SPATS2L: variants seen among roughly 807,000 people sequenced by gnomAD.
SPATS2L encodes SPATS2-like protein.
In SPATS2L, 30 loss-of-function variants were observed where a neutral mutation model predicts 59.6. That is an observed-to-expected ratio of 0.50 (90% CI 0.38 to 0.68). SPATS2L has a LOEUF of 0.68. Among genes scored for constraint, SPATS2L ranks in the 30% least tolerant of loss-of-function variants. The pLI is 0.00. For synonymous variants in SPATS2L, 252 were observed against 263.5 expected (o/e 0.96, Z 0.42); for missense variants, 615 against 700.0 (o/e 0.88, Z 1.37).
intron 8 of SPATS2L, among the ~76,000 whole-genome samples, chr2:200,445,276 G>A (rs2084959245): frequency 6.6e-6 from 1 of 152,182 alleles, no homozygotes; most frequent in Non-Finnish European, 1.5e-5. Flanking sequence ...TCGTGCCACT[G>A]CACTCCAGCT....
chr2:200,377,570 G>A (rs3754797), intron 2 of SPATS2L, among the ~76,000 whole-genome samples: 52,616 of 152,000 alleles, frequency 0.35, 9,914 homozygotes, highest in East Asian at 0.55. Context: ...ACTAATGTGT[G>A]TGTAGATGGA....
intron 8 of SPATS2L, among the ~76,000 whole-genome samples, chr2:200,442,834 T>C (rs1351084465): frequency 6.6e-6 from 1 of 152,070 alleles, no homozygotes; most frequent in African/African-American, 2.4e-5. Flanking sequence ...CCCAAGGAAA[T>C]AGTATATTTT....
intron 2 of SPATS2L, among the ~76,000 whole-genome samples, chr2:200,350,926 T>C (rs983162582): frequency 6.6e-6 from 1 of 152,136 alleles, no homozygotes; most frequent in African/African-American, 2.4e-5. Context: ...CTTTGGAATG[T>C]TGAGGCTCTT....
intron 3 of SPATS2L, among the ~76,000 whole-genome samples, chr2:200,411,477 T>G (rs1355592536): frequency 9.2e-6 from 1 of 109,118 alleles, no homozygotes. Context: ...CATGCAGTAC[T>G]CTAGTATTCT....
intron 8 of SPATS2L, among the ~76,000 whole-genome samples, chr2:200,441,976 T>G (rs911725543): frequency 6.6e-6 from 1 of 152,182 alleles, no homozygotes; most frequent in African/African-American, 2.4e-5. Flanking sequence ...CCATCTGCTA[T>G]GTATCATATA....
intron 1 of SPATS2L, among the ~76,000 whole-genome samples, chr2:200,321,571 A>G (rs965888160): frequency 2.0e-5 from 3 of 152,196 alleles, no homozygotes; most frequent in Non-Finnish European, 4.4e-5. Context: ...ATTTAGAATG[A>G]CTGCATAAAT....
intron 3 of SPATS2L, among the ~76,000 whole-genome samples, chr2:200,402,772 A>G (rs2082568522): frequency 6.6e-6 from 1 of 152,226 alleles, no homozygotes; most frequent in Non-Finnish European, 1.5e-5. Context: ...TTCAACTTTG[A>G]GGGAAGTTTT....
At chr2:200,390,550 G>T (rs547183695) in intron 3 of SPATS2L, 2 of 152,684 alleles carry the variant, frequency 1.3e-5, no homozygotes, top group African/African-American at 4.8e-5. Flanking sequence ...AAAGATCTGA[G>T]GACAGAGAAT....
intron 2 of SPATS2L, among the ~76,000 whole-genome samples, chr2:200,350,574 T>C (rs1021886616): frequency 2.0e-5 from 3 of 152,226 alleles, no homozygotes. Context: ...TCACCCAGGC[T>C]GGAGTGCAGT....
In SPATS2L at chr2:200,469,782, A is replaced by G. The variant is rs145416140; in HGVS notation, c.958-132A>G. The G allele has an allele frequency of 1.7e-4, 111 of 660,788 alleles. 3 individuals are homozygous for G. Among genetic ancestry groups the G allele is most frequent in the Middle Eastern group, 1.7e-3 (6 of 3,614 alleles). 40.9% of individuals were successfully genotyped at this position (660,788 alleles called of 1,614,324 possible). On this transcript the variant is annotated intron_variant, in intron 10 of 12. Coordinates refer to ENST00000409140, the MANE Select transcript of SPATS2L (RefSeq NM_001100423.2). ...AAGACTGAGCGTGGAGCCTCCCAGC[A>G]ACAGGGCTGGAAAGATCCCCACCAG... is the stretch of plus-strand genomic sequence containing the variant.
At chr2:200,382,826 G>A (rs1346921944) in intron 2 of SPATS2L, among the ~76,000 whole-genome samples, 1 of 152,170 alleles carries the variant, frequency 6.6e-6, no homozygotes, top group Non-Finnish European at 1.5e-5. Flanking sequence ...TACGTTATAA[G>A]TTCTCCAGAA....
At chr2:200,433,536 T>C (rs954784524) in intron 6 of SPATS2L, among the ~76,000 whole-genome samples, 10 of 152,048 alleles carry the variant, frequency 6.6e-5, no homozygotes, top group African/African-American at 2.4e-4. Context: ...TTAATCAATC[T>C]TCTAAACAAT....
At chr2:200,376,003 A>T (rs2081586795) in intron 2 of SPATS2L, among the ~76,000 whole-genome samples, 1 of 152,232 alleles carries the variant, frequency 6.6e-6, no homozygotes, top group African/African-American at 2.4e-5. Context: ...AGAAAAAATT[A>T]TTAAAAATTC....
intron 8 of SPATS2L, among the ~76,000 whole-genome samples, chr2:200,456,465 G>A (rs377444610): frequency 6.6e-6 from 1 of 152,166 alleles, no homozygotes; most frequent in Non-Finnish European, 1.5e-5. Flanking sequence ...AGCCCAGAAG[G>A]TCTGAACTAA....
chr2:200,461,929 T>C (rs1296066664), intron 9 of SPATS2L, among the ~76,000 whole-genome samples: 1 of 152,238 alleles, frequency 6.6e-6, no homozygotes, highest in African/African-American at 2.4e-5. Context: ...AATCCTGAAA[T>C]ACAGCAAGCT....
At chr2:200,428,072 AC>A (rs67928042) in intron 6 of SPATS2L, among the ~76,000 whole-genome samples, 56,703 of 145,932 alleles carry the variant, frequency 0.39, 11,009 homozygotes, top group Middle Eastern at 0.47. Context: ...TGTCTCAAAA[AC>A]AAAAAAAAAA....
At chr2:200,417,103 C>T (rs1043688999) in intron 5 of SPATS2L, among the ~76,000 whole-genome samples, 5 of 152,178 alleles carry the variant, frequency 3.3e-5, no homozygotes, top group African/African-American at 1.2e-4. Flanking sequence ...AAGTGTGCCG[C>T]TCCTTTCAAA....
intron 3 of SPATS2L, among the ~76,000 whole-genome samples, chr2:200,403,392 C>G (rs1456300846): frequency 6.6e-6 from 1 of 152,158 alleles, no homozygotes; most frequent in Non-Finnish European, 1.5e-5. Flanking sequence ...CACTTTAGTT[C>G]TTTTTAAAAA....
upstream of SPATS2L, chr2:200,306,618 G>T: frequency 5.0e-6 from 5 of 995,708 alleles, no homozygotes; most frequent in Non-Finnish European, 6.0e-6. Context: ...GACACCGAGG[G>T]GAAGGCGGGC....
Sources: allele counts gnomAD v4.1 joint callset (sites outside exome capture counted in the v4.1 genomes callset), GRCh38; gene constraint gnomAD v4.1.1; transcripts MANE v1.5; gene names NCBI Gene and HGNC (gene_info 2026-07-23, HGNC 2026-07-21).